Variants in ARFIP1 observed in about 807,000 individuals in gnomAD.
The protein encoded by ARFIP1 is arfaptin-1.
Under a neutral mutation model 42.5 loss-of-function variants are expected in ARFIP1, and 24 were observed. That is an observed-to-expected ratio of 0.57 (90% CI 0.41 to 0.80). The LOEUF is 0.80. Among genes scored for constraint, ARFIP1 ranks in the 30% least tolerant of loss-of-function variants. The pLI, the probability that ARFIP1 is intolerant of heterozygous loss-of-function variation, is 0.00. For synonymous variants in ARFIP1, 141 were observed against 153.7 expected (o/e 0.92, Z 0.61); for missense variants, 354 against 434.0 (o/e 0.82, Z 1.64).
chr4:152,827,914 A>G (rs796444754), intron 1 of ARFIP1, among the ~76,000 whole-genome samples: 15 of 152,242 alleles, frequency 9.9e-5, no homozygotes, highest in African/African-American at 2.9e-4. Flanking sequence ...GGCTGAAGCA[A>G]TCCACTGCCT....
intron 1 of ARFIP1, among the ~76,000 whole-genome samples, chr4:152,820,761 C>T (rs1255879008): frequency 6.6e-6 from 1 of 152,208 alleles, no homozygotes; most frequent in African/African-American, 2.4e-5. Flanking sequence ...TACAGTTCAA[C>T]ATGAGATTTG....
chr4:152,824,731 A>T (rs1730677673), intron 1 of ARFIP1, among the ~76,000 whole-genome samples: 1 of 152,212 alleles, frequency 6.6e-6, no homozygotes, highest in Non-Finnish European at 1.5e-5. Context: ...AGGGCATCCA[A>T]ATTGGAAAAG....
chr4:152,909,353 A>G (rs1287991040), intron 8 of ARFIP1, among the ~76,000 whole-genome samples: 8 of 152,294 alleles, frequency 5.3e-5, no homozygotes, highest in Admixed American at 5.2e-4. Context: ...CCACTGCATA[A>G]CAGCCTGGGT....
chr4:152,911,678 C>T lies in ARFIP1; in HGVS notation c.*1459C>T, dbSNP rs971134372. 1 of 152,546 alleles carries T rather than the reference C, an allele frequency of 6.6e-6. No individual in the cohort carries two copies. The highest frequency in any genetic ancestry group is 2.4e-5 in the African/African-American group (1 of 41,440). 9.4% of individuals were successfully genotyped at this position (152,546 alleles called of 1,614,324 possible). The stretch of plus-strand genomic sequence containing the variant: ...GACTGTAAGATTTGTTATATATGTT[C>T]AAATGCCTTTTAGCTGGCTTTTTAA... On this transcript the variant is annotated 3_prime_UTR_variant, in exon 9 of 9. Coordinates refer to ENST00000353617, the MANE Select transcript of ARFIP1 (RefSeq NM_001025595.3).
Position 152,882,853 on chromosome 4 carries a change from T to G in ARFIP1, c.764T>G (p.Met255Arg). ...LVNKTIEDTLMTVKQYESARI... is the reference protein window; with the variant it reads ...LVNKTIEDTLRTVKQYESARI... ...AATAAAACCATTGAAGATACATTAA[T>G]GACTGTGAAACAGTATGAAAGTGCC... The change falls in exon 7 of 9, where the codon ATG becomes AGG. Residue 255 changes from methionine to arginine, a missense_variant. Coordinates refer to ENST00000353617, the MANE Select transcript of ARFIP1 (RefSeq NM_001025595.3). 1 of 1,610,572 alleles carries G rather than the reference T, an allele frequency of 6.2e-7. No homozygotes were observed. The highest frequency in any genetic ancestry group is 8.5e-7 in the Non-Finnish European group (1 of 1,178,626).
At chr4:152,886,179 G>A (rs1736245190) in intron 7 of ARFIP1, among the ~76,000 whole-genome samples, 2 of 151,856 alleles carry the variant, frequency 1.3e-5, no homozygotes, top group Admixed American at 1.3e-4. Context: ...TTTCTAATAG[G>A]TTTCCTTGCT....
rs181795051 is a variant in ARFIP1 at position 152,818,631 on chromosome 4, A to T, written c.-9-10994A>T. ...GGAACAGTAAGTGTGCTGTAGCCAC[A>T]GGCACAGAAACTGGGCACTCCTGCT... On this transcript the variant is annotated intron_variant, in intron 1 of 8. Transcript: ENST00000353617. 1.1e-4 allele frequency among the ~76,000 whole-genome samples: 17 copies of T among 152,360 alleles called. No homozygotes were observed. In the East Asian group the frequency reaches 3.3e-3, roughly 29 times the overall value.
chr4:152,910,276 C>T lies in ARFIP1; in HGVS notation c.*57C>T. 6.4e-7 allele frequency: 1 copy of T among 1,570,988 alleles called. No homozygotes were observed. Among genetic ancestry groups the T allele is most frequent in the East Asian group, 2.3e-5 (1 of 44,416 alleles). On this transcript the variant is annotated 3_prime_UTR_variant, in exon 9 of 9. Coordinates refer to ENST00000353617, the MANE Select transcript of ARFIP1 (RefSeq NM_001025595.3). ...TTGTTATATTTCTAAACCAACCTAA[C>T]AAGAATTAAGCAGAGTTGGGGGAAG...
chr4:152,804,199 C>T (rs189172579), intron 1 of ARFIP1, among the ~76,000 whole-genome samples: 3 of 34,364 alleles, frequency 8.7e-5, no homozygotes, highest in East Asian at 7.2e-4. Flanking sequence ...TATAATATAA[C>T]ATGTATTATA....
intron 2 of ARFIP1, among the ~76,000 whole-genome samples, chr4:152,839,090 C>T (rs1731870146): frequency 6.6e-6 from 1 of 151,984 alleles, no homozygotes; most frequent in African/African-American, 2.4e-5. Context: ...CATTTATTGA[C>T]TTGTATATGT....
At chr4:152,790,668 C>T (rs1028467431) in intron 1 of ARFIP1, among the ~76,000 whole-genome samples, 1 of 149,892 alleles carries the variant, frequency 6.7e-6, no homozygotes, top group Non-Finnish European at 1.5e-5. Flanking sequence ...GCATATAATT[C>T]AGAAGTAACT....
intron 8 of ARFIP1, among the ~76,000 whole-genome samples, chr4:152,904,487 G>A (rs932263948): frequency 6.6e-5 from 10 of 151,980 alleles, no homozygotes; most frequent in African/African-American, 2.4e-4. Context: ...ACCGCACCTG[G>A]CCCCATCACC....
chr4:152,872,320 C>A, intron 4 of ARFIP1, 132 bp from the exon 5 acceptor site: 1 of 605,304 alleles, frequency 1.7e-6, no homozygotes, highest in South Asian at 1.9e-5. Flanking sequence ...AGTTCTAGTT[C>A]TTTACTTTGT....
intron 8 of ARFIP1, among the ~76,000 whole-genome samples, chr4:152,895,445 G>A (rs1418684601): frequency 6.6e-6 from 1 of 151,244 alleles, no homozygotes. Flanking sequence ...GGAGTGCAGT[G>A]GTGCAGTCAT....
At chr4:152,869,755 C>T (rs1734720226) in intron 3 of ARFIP1, among the ~76,000 whole-genome samples, 1 of 152,140 alleles carries the variant, frequency 6.6e-6, no homozygotes, top group Admixed American at 6.5e-5. Context: ...TACTTTGTAG[C>T]TAATTAAGGC....
intron 1 of ARFIP1, among the ~76,000 whole-genome samples, chr4:152,824,589 A>G (rs1391607760): frequency 6.6e-6 from 1 of 152,236 alleles, no homozygotes; most frequent in Non-Finnish European, 1.5e-5. Flanking sequence ...CATCATGCTG[A>G]ACAAGGAGAA....
At chr4:152,857,672 A>G (rs1733550812) in intron 2 of ARFIP1, among the ~76,000 whole-genome samples, 1 of 152,250 alleles carries the variant, frequency 6.6e-6, no homozygotes, top group South Asian at 2.1e-4. Flanking sequence ...CACTTTGTTC[A>G]GGACTCTGTT....
intron 1 of ARFIP1, among the ~76,000 whole-genome samples, chr4:152,806,825 GT>G (rs1561111043): frequency 2.0e-5 from 3 of 148,406 alleles, no homozygotes; most frequent in African/African-American, 7.5e-5. Flanking sequence ...CTCAACGTAA[GT>G]TTTTTTTTCT....
At chr4:152,853,902 ATTCTTTTTTT>A (rs1733200261) in intron 2 of ARFIP1, among the ~76,000 whole-genome samples, 1 of 99,392 alleles carries the variant, frequency 1.0e-5, no homozygotes, top group Non-Finnish European at 2.1e-5. Context: ...AAGTTCTGAG[ATTCTTTTTTT>A]TTTTTTTTTT....
Sources: allele counts gnomAD v4.1 joint callset (sites outside exome capture counted in the v4.1 genomes callset), GRCh38; gene constraint gnomAD v4.1.1; transcripts MANE v1.5; gene names NCBI Gene and HGNC (gene_info 2026-07-23, HGNC 2026-07-21).